The following PPARGC1A variants were observed in gnomAD, a reference collection of about 807,000 sequenced individuals.
The protein encoded by PPARGC1A is peroxisome proliferator-activated receptor gamma coactivator 1-alpha.
PPARGC1A carries 25 observed loss-of-function variants against 88.7 expected under a neutral mutation model. That is an observed-to-expected ratio of 0.28 (90% CI 0.21 to 0.39). The LOEUF is 0.39. Among genes scored for constraint, PPARGC1A ranks in the 10% least tolerant of loss-of-function variants. The probability of loss-of-function intolerance (pLI) is 1.00; values close to 1 mark genes in which losing one functional copy is unlikely to be tolerated. For missense variants in PPARGC1A, 880 were observed against 968.7 expected, an observed-to-expected ratio of 0.91 and a Z score of 1.22; for synonymous variants, 363 against 355.6, an observed-to-expected ratio of 1.02 and a Z score of -0.24.
the PPARGC1A span, among the ~76,000 whole-genome samples, chr4:24,195,813 G>A: frequency 2.0e-5 from 3 of 152,002 alleles, no homozygotes; most frequent in Non-Finnish European, 4.4e-5. Context: ...TATAGCAAAA[G>A]CACCAGGTTC....
At chr4:24,467,746 T>C in the PPARGC1A span, among the ~76,000 whole-genome samples, 3 of 152,086 alleles carry the variant, frequency 2.0e-5, no homozygotes, top group Admixed American at 1.3e-4. Context: ...ACTTCTACCT[T>C]GCTGGAGAAG....
At chr4:24,143,465 A>G in the PPARGC1A span, among the ~76,000 whole-genome samples, 2 of 152,212 alleles carry the variant, frequency 1.3e-5, no homozygotes, top group African/African-American at 4.8e-5. Context: ...CTTGGGGTGA[A>G]CCCAAAAGGA....
the PPARGC1A span, among the ~76,000 whole-genome samples, chr4:24,175,538 C>CTTTTTTTT: frequency 3.1e-4 from 26 of 84,880 alleles, no homozygotes; most frequent in African/African-American, 5.6e-4. Flanking sequence ...CCACACCAAG[C>CTTTTTTTT]TTTTTTTTTT....
the PPARGC1A span, among the ~76,000 whole-genome samples, chr4:24,032,900 A>C: frequency 1.3e-5 from 2 of 152,176 alleles, no homozygotes; most frequent in Admixed American, 6.5e-5. Flanking sequence ...AGTCGCACAC[A>C]CCCTTAGATA....
At chr4:24,171,063 T>C in the PPARGC1A span, among the ~76,000 whole-genome samples, 1 of 152,034 alleles carries the variant, frequency 6.6e-6, no homozygotes, top group African/African-American at 2.4e-5. Context: ...CCTCACAATC[T>C]TCATGCCTAT....
chr4:24,019,995 A>G, the PPARGC1A span, among the ~76,000 whole-genome samples: 1 of 152,240 alleles, frequency 6.6e-6, no homozygotes, highest in Non-Finnish European at 1.5e-5. Context: ...GCACACTCAT[A>G]GAGAAATTAT....
chr4:24,268,882 T>C, the PPARGC1A span, among the ~76,000 whole-genome samples: 12 of 152,234 alleles, frequency 7.9e-5, no homozygotes, highest in African/African-American at 2.7e-4. Flanking sequence ...ATGGAGTTCC[T>C]ACTATATCGA....
chr4:24,178,930 G>A, the PPARGC1A span, among the ~76,000 whole-genome samples: 1 of 151,972 alleles, frequency 6.6e-6, no homozygotes, highest in South Asian at 2.1e-4. Flanking sequence ...CTTTGTTTTT[G>A]TTTCTTTTTT....
the PPARGC1A span, among the ~76,000 whole-genome samples, chr4:24,367,326 T>C: frequency 6.6e-6 from 1 of 152,182 alleles, no homozygotes; most frequent in Non-Finnish European, 1.5e-5. Flanking sequence ...AAGAACTATA[T>C]TGTTTAGTCT....
the PPARGC1A span, among the ~76,000 whole-genome samples, chr4:24,113,280 AGATGGATGGATGGATGCATG>A: frequency 6.6e-6 from 1 of 152,222 alleles, no homozygotes; most frequent in South Asian, 2.1e-4. Flanking sequence ...AGAAATGAAG[AGATGGATGGATGGATGCATG>A]GATGGATGGA....
the PPARGC1A span, among the ~76,000 whole-genome samples, chr4:24,420,136 C>G: frequency 3.3e-5 from 5 of 152,150 alleles, no homozygotes; most frequent in Admixed American, 2.6e-4. Flanking sequence ...GCGTATGCAC[C>G]TTTTACAGAT....
At chr4:24,080,134 T>A in the PPARGC1A span, among the ~76,000 whole-genome samples, 1 of 152,076 alleles carries the variant, frequency 6.6e-6, no homozygotes, top group Admixed American at 6.6e-5. Flanking sequence ...TAAATTCATT[T>A]GAGAAAAATC....
At chr4:23,889,104 T>C (rs2148850336) in intron 1 of PPARGC1A, 2 of 985,404 alleles carry the variant, frequency 2.0e-6, no homozygotes, top group East Asian at 1.1e-4. Context: ...GTATGAATTG[T>C]AGCCAGCAGA....
the PPARGC1A span, among the ~76,000 whole-genome samples, chr4:24,114,123 CAAA>C: frequency 4.9e-5 from 3 of 60,874 alleles, no homozygotes; most frequent in Non-Finnish European, 3.0e-5. Flanking sequence ...GACTCCATCA[CAAA>C]AAAAAAAAAA....
At chr4:23,955,509 G>T in the PPARGC1A span, among the ~76,000 whole-genome samples, 3 of 151,956 alleles carry the variant, frequency 2.0e-5, no homozygotes, top group African/African-American at 4.8e-5. Context: ...TTATTACTAC[G>T]ATTCCTCTAA....
intron 12 of PPARGC1A, among the ~76,000 whole-genome samples, chr4:23,799,311 C>T (rs1718213910): frequency 6.6e-6 from 1 of 151,842 alleles, no homozygotes; most frequent in African/African-American, 2.4e-5. Flanking sequence ...TCATTCCCAT[C>T]ATTTTAAATT....
At chr4:24,424,175 G>T in the PPARGC1A span, among the ~76,000 whole-genome samples, 1 of 146,790 alleles carries the variant, frequency 6.8e-6, no homozygotes, top group Admixed American at 6.9e-5. Context: ...TCTAATTTTG[G>T]CATTATTTGA....
chr4:24,224,195 T>A, the PPARGC1A span, among the ~76,000 whole-genome samples: 1 of 152,140 alleles, frequency 6.6e-6, no homozygotes, highest in Non-Finnish European at 1.5e-5. Context: ...ATCCCTCAGA[T>A]AGATTATGGA....
chr4:24,274,823 T>C, the PPARGC1A span, among the ~76,000 whole-genome samples: 5 of 152,208 alleles, frequency 3.3e-5, no homozygotes, highest in African/African-American at 1.2e-4. Context: ...TTTTTTTAAA[T>C]TAAATGTGCA....
Sources: gnomAD v4.1 joint callset for allele counts (sites outside exome capture counted in the v4.1 genomes callset) on GRCh38, gnomAD v4.1.1 for gene constraint, MANE v1.5 for transcripts, NCBI Gene and HGNC (gene_info 2026-07-23, HGNC 2026-07-21) for gene names.